AGAP1: variants seen among roughly 807,000 people sequenced by gnomAD.
AGAP1 encodes ArfGAP with GTPase domain, ankyrin repeat and PH domain 1, also known as arf-GAP with GTPase, ANK repeat and PH domain-containing protein 1.
Under a neutral mutation model 105.3 loss-of-function variants are expected in AGAP1, and 29 were observed. That is an observed-to-expected ratio of 0.28 (90% CI 0.21 to 0.38). The LOEUF is 0.38. Among genes scored for constraint, AGAP1 ranks in the 10% least tolerant of loss-of-function variants. The probability of loss-of-function intolerance (pLI) is 1.00; values close to 1 mark genes in which losing one functional copy is unlikely to be tolerated. For synonymous variants in AGAP1, 509 were observed against 485.9 expected (o/e 1.05, Z -0.63); for missense variants, 998 against 1,165.1 (o/e 0.86, Z 2.09).
rs1315974296 is a variant in AGAP1, at chr2:235,642,303, G to C, written c.164-66876G>C. 6.6e-6 allele frequency among the ~76,000 whole-genome samples: 1 copy of C among 152,206 alleles called. No homozygotes were observed. Among genetic ancestry groups the C allele is most frequent in the Non-Finnish European group, 1.5e-5 (1 of 68,038 alleles). The stretch of plus-strand genomic sequence containing the variant: ...TGGGGGAGGATTTACAAAGAAACTT[G>C]AGGTGAGGGGCCCTCTGCACTCAAC... On this transcript the variant is annotated intron_variant, in intron 1 of 17. Transcript: ENST00000304032. This position sits in a 1 kb window ranked among gnomAD's most constrained non-coding sequence, Gnocchi z 4.1.
chr2:235,915,306 GA>G (rs1364632828), intron 11 of AGAP1, among the ~76,000 whole-genome samples: 1 of 152,142 alleles, frequency 6.6e-6, no homozygotes, highest in African/African-American at 2.4e-5. Context: ...AATTTAAAAG[GA>G]AATTATAACT....
rs927594687 is a variant in AGAP1, at chr2:235,663,300, ACT to A, written c.164-45876_164-45875del. Among the ~76,000 whole-genome samples, 3 of 151,690 alleles carry A rather than the reference ACT, an allele frequency of 2.0e-5. No homozygotes were observed. Among genetic ancestry groups the A allele is most frequent in the Non-Finnish European group, 4.4e-5 (3 of 67,914 alleles). ...CTCCAGCCTGGGCAACAAGAAGGAA[ACT>A]CTGTCTCAAAAAAAAAGAAGGGGAG... On this transcript the variant is annotated intron_variant, in intron 1 of 17. Coordinates refer to ENST00000304032, the MANE Select transcript of AGAP1 (RefSeq NM_001037131.3). The surrounding 1 kb of genome is among the most constrained non-coding windows in gnomAD (Gnocchi z 5.4).
At chr2:235,937,180 C>T (rs1426531059) in intron 12 of AGAP1, among the ~76,000 whole-genome samples, 1 of 152,174 alleles carries the variant, frequency 6.6e-6, no homozygotes, top group Non-Finnish European at 1.5e-5. Context: ...CCCCTGGGCT[C>T]TCATCTCTCA....
intron 2 of AGAP1, 93 bp downstream of exon 2, chr2:235,709,330 G>A: frequency 4.9e-6 from 7 of 1,416,508 alleles, no homozygotes; most frequent in Non-Finnish European, 5.0e-6. Context: ...TCATCGCCTG[G>A]GGCCCAGAGT....
chr2:236,086,104 A>G (rs980030801), intron 16 of AGAP1, among the ~76,000 whole-genome samples: 3 of 152,206 alleles, frequency 2.0e-5, no homozygotes, highest in African/African-American at 7.2e-5. Context: ...CCTCCTGCTT[A>G]GAGATACCAG....
intron 9 of AGAP1, among the ~76,000 whole-genome samples, chr2:235,815,022 C>T (rs1397187502): frequency 2.0e-5 from 3 of 152,148 alleles, no homozygotes; most frequent in Non-Finnish European, 4.4e-5. Context: ...AGAGTCTTGG[C>T]GGTAACCAGC....
rs1404005185 is a variant in AGAP1, at chr2:235,727,653, C to T, written c.310+10009C>T. ...AAAATAATGTTTTTACATCCTTCCTCCAACATCATCAACCGCATTAGCTCA... is the reference window on the plus strand; with the variant it reads ...AAAATAATGTTTTTACATCCTTCCTTCAACATCATCAACCGCATTAGCTCA... On this transcript the variant is annotated intron_variant, in intron 3 of 17. Coordinates refer to ENST00000304032, the MANE Select transcript of AGAP1 (RefSeq NM_001037131.3). Among the ~76,000 whole-genome samples the T allele has an allele frequency of 3.3e-5, 5 of 152,230 alleles. No homozygotes were observed. The South Asian group carries it at 1.0e-3, about 32-fold the overall frequency.
At position 236,096,427 on chromosome 2, in the gene AGAP1, A is replaced by T. The variant is rs2125887977; in HGVS notation, c.2115-23765A>T. Reference sequence around the variant, plus strand: ...GAGGCAAGAGAATCCCTTGAACCTGAGAGGCAGAGGTTGCAGTGAGCCAAG... The same window carrying T: ...GAGGCAAGAGAATCCCTTGAACCTGTGAGGCAGAGGTTGCAGTGAGCCAAG... On this transcript the variant is annotated intron_variant, in intron 16 of 17. Coordinates refer to ENST00000304032, the MANE Select transcript of AGAP1 (RefSeq NM_001037131.3). The surrounding 1 kb of genome is among the most constrained non-coding windows in gnomAD (Gnocchi z 4.4). 6.6e-6 allele frequency among the ~76,000 whole-genome samples: 1 copy of T among 150,964 alleles called. No individual in the cohort carries two copies. The highest frequency in any genetic ancestry group is 2.0e-4 in the East Asian group (1 of 4,918).
intron 6 of AGAP1, among the ~76,000 whole-genome samples, chr2:235,780,193 AGTTT>A (rs760617023): frequency 2.0e-5 from 3 of 152,114 alleles, no homozygotes; most frequent in East Asian, 3.9e-4. Context: ...AGAAGAAGAT[AGTTT>A]GTTGCTTTTT....
intron 10 of AGAP1, among the ~76,000 whole-genome samples, chr2:235,892,198 T>C (rs2050579452): frequency 6.6e-6 from 1 of 152,156 alleles, no homozygotes. Context: ...ATTCTGCATG[T>C]GCCCACATTA....
In AGAP1 at chr2:235,635,942, G is replaced by A. The variant is rs1006473765; in HGVS notation, c.164-73237G>A. Reference sequence around the variant, plus strand: ...AGCCTGGCCAACATGGTGAAACCCCGTCTCTACTAAAACTACAAAAATGAG... The same window carrying A: ...AGCCTGGCCAACATGGTGAAACCCCATCTCTACTAAAACTACAAAAATGAG... On this transcript the variant is annotated intron_variant, in intron 1 of 17. Coordinates refer to ENST00000304032, the MANE Select transcript of AGAP1 (RefSeq NM_001037131.3). The surrounding 1 kb of genome is among the most constrained non-coding windows in gnomAD (Gnocchi z 5.3). 1.3e-5 allele frequency among the ~76,000 whole-genome samples: 2 copies of A among 151,692 alleles called. No individual in the cohort carries two copies. The highest frequency in any genetic ancestry group is 6.6e-5 in the Admixed American group (1 of 15,210).
At chr2:235,676,662 A>T (rs1459235039) in intron 1 of AGAP1, among the ~76,000 whole-genome samples, 1 of 152,240 alleles carries the variant, frequency 6.6e-6, no homozygotes, top group African/African-American at 2.4e-5. Context: ...TCTTTCTACA[A>T]TGAGCTTTGG....
chr2:235,723,626 C>A lies in AGAP1; in HGVS notation c.310+5982C>A, dbSNP rs1393466656. ...GAGCTGTGCAGGTTAGCTTGTGTGC[C>A]AGAAGGACCTGAGGACCAGAAAAGC... On this transcript the variant is annotated intron_variant, in intron 3 of 17. Coordinates refer to ENST00000304032, the MANE Select transcript of AGAP1 (RefSeq NM_001037131.3). The surrounding 1 kb of genome is among the most constrained non-coding windows in gnomAD (Gnocchi z 6.2). 6.6e-6 allele frequency among the ~76,000 whole-genome samples: 1 copy of A among 152,208 alleles called. No individual in the cohort carries two copies. The highest frequency in any genetic ancestry group is 1.5e-5 in the Non-Finnish European group (1 of 68,042).
chr2:235,542,067 C>T (rs940745265), intron 1 of AGAP1, among the ~76,000 whole-genome samples: 1 of 152,192 alleles, frequency 6.6e-6, no homozygotes, highest in African/African-American at 2.4e-5. Flanking sequence ...TCAGGTTGTT[C>T]CAGGATGGAA....
chr2:235,974,829 A>G (rs931099696), intron 13 of AGAP1, among the ~76,000 whole-genome samples: 1 of 152,360 alleles, frequency 6.6e-6, no homozygotes. Context: ...AGCAACCACC[A>G]CAGGGAAAGC....
intron 1 of AGAP1, among the ~76,000 whole-genome samples, chr2:235,595,931 A>C (rs1945511956): frequency 6.6e-6 from 1 of 152,244 alleles, no homozygotes; most frequent in African/African-American, 2.4e-5. Context: ...GCACAAGGTC[A>C]AAGTGTTTCG....
intron 9 of AGAP1, among the ~76,000 whole-genome samples, chr2:235,862,008 T>C (rs754434304): frequency 3.3e-5 from 5 of 152,142 alleles, no homozygotes; most frequent in Non-Finnish European, 7.3e-5. Context: ...CTCATTCTTT[T>C]CGTCAGAGAT....
At position 235,964,219 on chromosome 2, in the gene AGAP1, A is replaced by C. The variant is rs930795455; in HGVS notation, c.1484-4243A>C. Reference sequence around the variant, plus strand: ...GGGAAGGACGCACAGTTGGGGATGAACATGGCCTGTCGAAATGAGAGGACA... The same window carrying C: ...GGGAAGGACGCACAGTTGGGGATGACCATGGCCTGTCGAAATGAGAGGACA... On this transcript the variant is annotated intron_variant, in intron 12 of 17. Transcript: ENST00000304032. This position sits in a 1 kb window ranked among gnomAD's most constrained non-coding sequence, Gnocchi z 4.6. 1.1e-4 allele frequency among the ~76,000 whole-genome samples: 17 copies of C among 152,198 alleles called. No individual in the cohort carries two copies. Among genetic ancestry groups the C allele is most frequent in the Non-Finnish European group, 2.5e-4 (17 of 68,044 alleles).
intron 9 of AGAP1, among the ~76,000 whole-genome samples, chr2:235,849,923 CTCTT>C (rs1961989043): frequency 6.6e-6 from 1 of 152,198 alleles, no homozygotes; most frequent in South Asian, 2.1e-4. Flanking sequence ...CTCACCACGA[CTCTT>C]TCTTGGTCCT....
Sources: gnomAD v4.1 joint callset for allele counts (sites outside exome capture counted in the v4.1 genomes callset) on GRCh38, gnomAD v4.1.1 for gene constraint, Gnocchi (gnomAD v3.1) non-coding constraint, MANE v1.5 for transcripts, NCBI Gene and HGNC (gene_info 2026-07-23, HGNC 2026-07-21) for gene names.